Variants in NKAIN3 observed in about 807,000 individuals in gnomAD.
The protein encoded by NKAIN3 is sodium/potassium transporting ATPase interacting 3, also known as sodium/potassium-transporting ATPase subunit beta-1-interacting protein 3.
In NKAIN3, 25 loss-of-function variants were observed where a neutral mutation model predicts 30.2. The ratio of observed to expected loss-of-function variants is 0.83; its 90% confidence interval spans 0.60 to 1.16. NKAIN3 has a LOEUF of 1.16. Among genes scored for constraint, NKAIN3 ranks in the 50% most tolerant of loss-of-function variants. NKAIN3 has a pLI of 0.00. For missense variants in NKAIN3, 225 were observed against 254.1 expected (o/e 0.89, Z 0.78); for synonymous variants, 91 against 89.6 (o/e 1.02, Z -0.09).
chr8:62,938,474 C>A (rs1161860315), intron 5 of NKAIN3, among the ~76,000 whole-genome samples: 1 of 152,068 alleles, frequency 6.6e-6, no homozygotes, highest in Non-Finnish European at 1.5e-5. Flanking sequence ...AAAACCATAA[C>A]CAAAGTCTCA....
chr8:62,433,741 C>T (rs956845270), intron 1 of NKAIN3, among the ~76,000 whole-genome samples: 9 of 152,058 alleles, frequency 5.9e-5, no homozygotes, highest in Non-Finnish European at 1.3e-4. Flanking sequence ...TTTTATTTGA[C>T]ATTAAATTTA....
chr8:62,914,217 A>G (rs1444881272), intron 4 of NKAIN3, among the ~76,000 whole-genome samples: 1 of 152,216 alleles, frequency 6.6e-6, no homozygotes, highest in Admixed American at 6.5e-5. Flanking sequence ...GCTGGAGGCT[A>G]TTTTCCTTAG....
chr8:62,748,342 T>TG (rs142838219), intron 4 of NKAIN3, among the ~76,000 whole-genome samples: 4 of 151,316 alleles, frequency 2.6e-5, no homozygotes, highest in South Asian at 2.1e-4. Context: ...CTTCTCTTTC[T>TG]GGGAAAAAAA....
At chr8:62,883,457 G>GTTGTTGTTTTTTTTTTTTTTTTTTT in intron 4 of NKAIN3, among the ~76,000 whole-genome samples, 6 of 70,224 alleles carry the variant, frequency 8.5e-5, no homozygotes, top group Non-Finnish European at 9.7e-5. Context: ...AGTTTTATGG[G>GTTGTTGTTTTTTTTTTTTTTTTTTT]TTTTTTTTTT....
intron 1 of NKAIN3, among the ~76,000 whole-genome samples, chr8:62,279,513 C>T (rs1005251324): frequency 2.0e-5 from 3 of 152,146 alleles, no homozygotes. Flanking sequence ...TTGGGTCTAA[C>T]ATTTAAGTCT....
At chr8:62,458,008 C>T (rs1367767371) in intron 1 of NKAIN3, among the ~76,000 whole-genome samples, 1 of 152,054 alleles carries the variant, frequency 6.6e-6, no homozygotes, top group Non-Finnish European at 1.5e-5. Flanking sequence ...ATAGGTAGGC[C>T]CTCGACGGGA....
intron 1 of NKAIN3, among the ~76,000 whole-genome samples, chr8:62,282,088 T>C (rs1380045573): frequency 6.6e-6 from 1 of 152,106 alleles, no homozygotes; most frequent in African/African-American, 2.4e-5. Context: ...CAAATCCTTT[T>C]TGTTCCGGGG....
chr8:62,743,290 T>C (rs982934118), intron 3 of NKAIN3, among the ~76,000 whole-genome samples: 3 of 152,022 alleles, frequency 2.0e-5, no homozygotes, highest in African/African-American at 7.3e-5. Context: ...ATGTGGTAAG[T>C]TTAAAAAAAA....
chr8:62,604,511 A>G (rs957448142), intron 3 of NKAIN3, among the ~76,000 whole-genome samples: 1 of 152,168 alleles, frequency 6.6e-6, no homozygotes, highest in Non-Finnish European at 1.5e-5. Context: ...ACCAGATGGA[A>G]TATCTCACAA....
chr8:62,847,644 G>C (rs1819732145), intron 4 of NKAIN3, among the ~76,000 whole-genome samples: 1 of 152,104 alleles, frequency 6.6e-6, no homozygotes, highest in African/African-American at 2.4e-5. Context: ...TATTTGCTCT[G>C]TTGATAGTAT....
chr8:62,350,100 T>A (rs758236353), intron 1 of NKAIN3, among the ~76,000 whole-genome samples: 3 of 152,164 alleles, frequency 2.0e-5, no homozygotes, highest in Non-Finnish European at 4.4e-5. Context: ...TACAGTATGA[T>A]CTGACAATTC....
intron 1 of NKAIN3, among the ~76,000 whole-genome samples, chr8:62,411,525 A>T (rs934311448): frequency 2.6e-5 from 4 of 152,200 alleles, no homozygotes; most frequent in Non-Finnish European, 5.9e-5. Flanking sequence ...CACCACTCTT[A>T]TTCAACGTAG....
chr8:62,571,066 A>AT (rs1296086892), intron 1 of NKAIN3, among the ~76,000 whole-genome samples: 3 of 152,170 alleles, frequency 2.0e-5, no homozygotes, highest in African/African-American at 7.2e-5. Flanking sequence ...AAAAGCTCTA[A>AT]ATATATTCTT....
intron 1 of NKAIN3, among the ~76,000 whole-genome samples, chr8:62,364,949 A>G (rs565209829): frequency 9.9e-5 from 15 of 151,900 alleles, no homozygotes; most frequent in Admixed American, 7.9e-4. Context: ...TTGCAGAGTA[A>G]TTGTCCAAGC....
intron 1 of NKAIN3, among the ~76,000 whole-genome samples, chr8:62,255,648 T>C (rs970392215): frequency 6.6e-6 from 1 of 152,224 alleles, no homozygotes; most frequent in African/African-American, 2.4e-5. Flanking sequence ...GAAATGCTTA[T>C]GTTCAATGTG....
intron 1 of NKAIN3, among the ~76,000 whole-genome samples, chr8:62,529,092 A>G (rs914737259): frequency 1.3e-5 from 2 of 152,148 alleles, no homozygotes; most frequent in African/African-American, 2.4e-5. Flanking sequence ...CAGATGAGGT[A>G]TAGGTACAGA....
chr8:62,953,534 A>G (rs973426233), intron 5 of NKAIN3, among the ~76,000 whole-genome samples: 1 of 152,154 alleles, frequency 6.6e-6, no homozygotes, highest in Non-Finnish European at 1.5e-5. Flanking sequence ...CTTAAGGAAA[A>G]AAAAGGATTC....
intron 1 of NKAIN3, among the ~76,000 whole-genome samples, chr8:62,370,652 T>C (rs943303468): frequency 1.3e-5 from 2 of 151,998 alleles, no homozygotes; most frequent in African/African-American, 4.8e-5. Flanking sequence ...TGTTCAATAT[T>C]ATTAAGGAAT....
chr8:62,531,933 C>T (rs1415732585), intron 1 of NKAIN3, among the ~76,000 whole-genome samples: 1 of 152,192 alleles, frequency 6.6e-6, no homozygotes, highest in Non-Finnish European at 1.5e-5. Flanking sequence ...CAAGTGTCAT[C>T]GTGACTGCCC....
Sources: allele counts gnomAD v4.1 joint callset (sites outside exome capture counted in the v4.1 genomes callset), GRCh38; gene constraint gnomAD v4.1.1; transcripts MANE v1.5; gene names NCBI Gene and HGNC (gene_info 2026-07-23, HGNC 2026-07-21).